Variants in NCAPG2 observed in about 807,000 individuals in gnomAD.
NCAPG2 encodes the protein non-SMC condensin II complex subunit G2.
In NCAPG2, 53 loss-of-function variants were observed where a neutral mutation model predicts 141.1. That is an observed-to-expected ratio of 0.38 (90% CI 0.30 to 0.47). NCAPG2 has a LOEUF of 0.47. Ranked by LOEUF, NCAPG2 falls within the 20% of genes least tolerant of loss-of-function variation. NCAPG2 has a pLI of 0.99. For missense variants in NCAPG2, 1,087 were observed against 1,389.0 expected (o/e 0.78, Z 3.46); for synonymous variants, 499 against 490.7 (o/e 1.02, Z -0.22).
chr7:158,636,600 C>A (rs746595705), intron 27 of NCAPG2, among the ~76,000 whole-genome samples: 7 of 151,972 alleles, frequency 4.6e-5, no homozygotes, highest in Non-Finnish European at 1.0e-4. Flanking sequence ...CGGGGTTTCT[C>A]CATGTTGGTC....
At chr7:158,650,201 A>C (rs1193246036) in intron 24 of NCAPG2, among the ~76,000 whole-genome samples, 3 of 152,170 alleles carry the variant, frequency 2.0e-5, no homozygotes, top group African/African-American at 7.2e-5. Flanking sequence ...GCGTGCCACC[A>C]TGCCCAGCTA....
intron 27 of NCAPG2, among the ~76,000 whole-genome samples, chr7:158,637,279 C>T (rs983522853): frequency 2.0e-5 from 3 of 152,130 alleles, no homozygotes; most frequent in East Asian, 3.8e-4. Flanking sequence ...GCATAGTGGA[C>T]ACTCAATCAT....
chr7:158,638,739 G>T (rs1830450082), intron 27 of NCAPG2, among the ~76,000 whole-genome samples: 1 of 152,084 alleles, frequency 6.6e-6, no homozygotes, highest in East Asian at 1.9e-4. Flanking sequence ...TTTAACACAA[G>T]TCTCTGTAGA....
chr7:158,675,965 T>C (rs144894652), intron 11 of NCAPG2, among the ~76,000 whole-genome samples: 1 of 152,318 alleles, frequency 6.6e-6, no homozygotes, highest in East Asian at 1.9e-4. Flanking sequence ...AGATTAGGCA[T>C]GGCCCACGTA....
rs947362051 is a variant in NCAPG2, at chr7:158,694,610, C to G, written c.79-1113G>C. The stretch of plus-strand genomic sequence containing the variant: ...AATTTAATCAGATCCTCAACAGATG[C>G]AAATTGAAGGCTATACCACAAAAGA... On this transcript the variant is annotated intron_variant, in intron 2 of 27. Coordinates refer to ENST00000356309, the MANE Select transcript of NCAPG2 (RefSeq NM_017760.7). Among the ~76,000 whole-genome samples the G allele has an allele frequency of 1.2e-4, 19 of 152,270 alleles. No individual in the cohort carries two copies. The South Asian group carries it at 1.5e-3, about 12-fold the overall frequency.
intron 6 of NCAPG2, among the ~76,000 whole-genome samples, chr7:158,687,783 G>C (rs1221053177): frequency 2.0e-5 from 3 of 152,172 alleles, no homozygotes; most frequent in Non-Finnish European, 4.4e-5. Flanking sequence ...TCAAATGAAA[G>C]AAAGCTTTAA....
intron 27 of NCAPG2, among the ~76,000 whole-genome samples, chr7:158,632,140 T>A (rs1411679309): frequency 6.6e-6 from 1 of 152,142 alleles, no homozygotes; most frequent in Admixed American, 6.5e-5. Context: ...ACCTACTACC[T>A]CTAATAACCT....
rs578246221 is a variant in NCAPG2, at chr7:158,654,878, A to G, written c.2647-184T>C. On this transcript the variant is annotated intron_variant, in intron 21 of 27. Coordinates refer to ENST00000356309, the MANE Select transcript of NCAPG2 (RefSeq NM_017760.7). The stretch of plus-strand genomic sequence containing the variant: ...TTGTTTTTGTAAGAAATCTAGAGAC[A>G]TATTTTATGTAATTCCACAAACATA... The G allele has an allele frequency of 1.0e-4, 129 of 1,244,232 alleles. 2 individuals carry two copies. In the South Asian group the frequency reaches 2.1e-3, roughly 20 times the overall value. 77.1% of individuals were successfully genotyped at this position (1,244,232 alleles called of 1,614,324 possible).
At chr7:158,683,455 C>A in intron 8 of NCAPG2, 69 bp from the exon 9 acceptor site, 1 of 1,158,152 alleles carries the variant, frequency 8.6e-7, no homozygotes, top group South Asian at 1.5e-5. Flanking sequence ...ACAAGCAGTG[C>A]GGCATTTGAG....
intron 8 of NCAPG2, among the ~76,000 whole-genome samples, chr7:158,685,593 T>C (rs1326515988): frequency 6.6e-6 from 1 of 152,160 alleles, no homozygotes. Flanking sequence ...TAATACTTAA[T>C]ACAGTGTCAA....
intron 13 of NCAPG2, chr7:158,664,975 G>A (rs976110908): frequency 2.4e-5 from 11 of 450,274 alleles, no homozygotes; most frequent in Admixed American, 2.4e-4. Context: ...CAAGTATTAG[G>A]GTGCTAAGAG....
At chr7:158,655,745 T>TGCACGCAGCACCACCC (rs1563517459) in intron 19 of NCAPG2, among the ~76,000 whole-genome samples, 2 of 10,844 alleles carry the variant, frequency 1.8e-4, no homozygotes, top group Non-Finnish European at 4.5e-4. Context: ...CCCATCTGCC[T>TGCACGCAGCACCACCC]GGCTCCACTC....
At chr7:158,664,057 C>G (rs1300332082) in intron 15 of NCAPG2, 127 bp downstream of exon 15, 9 of 753,416 alleles carry the variant, frequency 1.2e-5, no homozygotes, top group Non-Finnish European at 1.8e-5. Context: ...TATGACCTTC[C>G]AAAATAACTT....
intron 2 of NCAPG2, among the ~76,000 whole-genome samples, chr7:158,698,720 G>C (rs1024812790): frequency 6.6e-6 from 1 of 151,920 alleles, no homozygotes; most frequent in African/African-American, 2.4e-5. Context: ...TATCATCTCT[G>C]AGGTTTTCTT....
chr7:158,637,379 C>T (rs542055587), intron 27 of NCAPG2, among the ~76,000 whole-genome samples: 3 of 152,190 alleles, frequency 2.0e-5, no homozygotes, highest in Non-Finnish European at 4.4e-5. Flanking sequence ...CCCAGTTCAA[C>T]GTCCCATCAC....
At chr7:158,642,144 CAA>C (rs1830692051) in intron 27 of NCAPG2, among the ~76,000 whole-genome samples, 1 of 152,038 alleles carries the variant, frequency 6.6e-6, no homozygotes, top group South Asian at 2.1e-4. Flanking sequence ...CTAAATAGGT[CAA>C]AGAGGAAATC....
intron 2 of NCAPG2, among the ~76,000 whole-genome samples, chr7:158,699,407 T>C (rs1228641447): frequency 6.6e-5 from 10 of 152,166 alleles, no homozygotes; most frequent in Admixed American, 6.5e-4. Context: ...CAAAGGCAAA[T>C]TCCCATTTGC....
At chr7:158,655,509 C>G (rs759327177) in intron 19 of NCAPG2, 54 bp from the exon 20 acceptor site, 12 of 1,412,122 alleles carry the variant, frequency 8.5e-6, no homozygotes, top group Middle Eastern at 1.8e-4. Flanking sequence ...CACCACCACA[C>G]CCCGTACAGC....
intron 13 of NCAPG2, among the ~76,000 whole-genome samples, chr7:158,670,429 G>A (rs1833613135): frequency 6.6e-6 from 1 of 152,052 alleles, no homozygotes; most frequent in African/African-American, 2.4e-5. Context: ...AGCCAGACAT[G>A]GTGGCACACT....
Sources: gnomAD v4.1 joint callset for allele counts (sites outside exome capture counted in the v4.1 genomes callset) on GRCh38, gnomAD v4.1.1 for gene constraint, MANE v1.5 for transcripts, NCBI Gene and HGNC (gene_info 2026-07-23, HGNC 2026-07-21) for gene names.